The following C6orf163 variants were observed in gnomAD, a reference collection of about 807,000 sequenced individuals.
C6orf163 encodes uncharacterized protein C6orf163.
In C6orf163, 22 loss-of-function variants were observed where a neutral mutation model predicts 28.4. The observed-to-expected ratio is 0.78, with a 90% CI of 0.55 to 1.11. C6orf163 has a LOEUF of 1.11. Ranked by LOEUF, C6orf163 falls within the 50% of genes least tolerant of loss-of-function variation. C6orf163 has a pLI of 0.00. For synonymous variants in C6orf163, 110 were observed against 123.6 expected, an observed-to-expected ratio of 0.89 and a Z score of 0.73; for missense variants, 342 against 389.1, an observed-to-expected ratio of 0.88 and a Z score of 1.02.
chr6:87,349,417 A>C (rs1777377626), intron 2 of C6orf163, among the ~76,000 whole-genome samples: 1 of 152,050 alleles, frequency 6.6e-6, no homozygotes, highest in African/African-American at 2.4e-5. Context: ...TCTCTCCCAA[A>C]TCCTTGATAC....
intron 4 of C6orf163, among the ~76,000 whole-genome samples, chr6:87,361,823 CT>C (rs1163605105): frequency 6.6e-6 from 1 of 152,128 alleles, no homozygotes; most frequent in Non-Finnish European, 1.5e-5. Context: ...GCAGCTATGA[CT>C]TTTTAATATT....
chr6:87,347,359 G>C (rs188341307), intron 1 of C6orf163: 43 of 977,112 alleles, frequency 4.4e-5, no homozygotes, highest in Admixed American at 6.1e-5. Flanking sequence ...GTACAATCAG[G>C]GTTGAGAACA....
In C6orf163 at chr6:87,345,098, C is replaced by G. The variant is rs1324216269; in HGVS notation, c.-2C>G. On this transcript the variant is annotated 5_prime_UTR_variant, in exon 1 of 5. Transcript: ENST00000388923. ...GTAGGAGAAGACATCTGAAATTTAA[C>G]TATGATCAGAAATTCAGATTACAAA... is the stretch of plus-strand genomic sequence containing the variant. 6.6e-7 allele frequency: 1 copy of G among 1,521,388 alleles called. No individual in the cohort carries two copies. Among genetic ancestry groups the G allele is most frequent in the South Asian group, 1.2e-5 (1 of 80,718 alleles). 94.2% of individuals were successfully genotyped at this position (1,521,388 alleles called of 1,614,324 possible). A position where few individuals can be genotyped will look rare whatever the true frequency, so the allele number is the denominator to read the frequency against.
chr6:87,361,886 A>G (rs1221843061), intron 4 of C6orf163, among the ~76,000 whole-genome samples: 2 of 152,046 alleles, frequency 1.3e-5, no homozygotes, highest in Admixed American at 1.3e-4. Context: ...TTTTGTCATT[A>G]GTTCAGACCC....
intron 1 of C6orf163, among the ~76,000 whole-genome samples, chr6:87,345,634 C>G (rs1777310600): frequency 1.3e-5 from 2 of 151,958 alleles, no homozygotes; most frequent in African/African-American, 4.8e-5. Context: ...AAATAACACC[C>G]TAATTGGATG....
At chr6:87,352,110 A>G (rs1777422484) in intron 3 of C6orf163, among the ~76,000 whole-genome samples, 1 of 152,180 alleles carries the variant, frequency 6.6e-6, no homozygotes, top group South Asian at 2.1e-4. Flanking sequence ...CCTTCCTGAA[A>G]TATTTGTCCG....
chr6:87,348,697 T>A (rs1436760819), intron 1 of C6orf163, 115 bp from the exon 2 acceptor site: 1 of 1,445,590 alleles, frequency 6.9e-7, no homozygotes, highest in Non-Finnish European at 9.0e-7. Context: ...TATACTGGCA[T>A]CTCCTAAAAG....
intron 4 of C6orf163, among the ~76,000 whole-genome samples, chr6:87,363,876 A>C (rs967050439): frequency 2.6e-5 from 4 of 152,196 alleles, no homozygotes; most frequent in African/African-American, 9.7e-5. Context: ...TTAGTCTCCT[A>C]TGAATATAAA....
chr6:87,353,325 TTGTA>T (rs897693718), intron 3 of C6orf163, among the ~76,000 whole-genome samples: 3 of 152,162 alleles, frequency 2.0e-5, no homozygotes, highest in Non-Finnish European at 4.4e-5. Context: ...ATTGGATTGT[TTGTA>T]ACACAAAGAA....
chr6:87,345,623 T>C (rs1777310271), intron 1 of C6orf163, among the ~76,000 whole-genome samples: 1 of 152,094 alleles, frequency 6.6e-6, no homozygotes, highest in African/African-American at 2.4e-5. Flanking sequence ...ATATTATCTC[T>C]AAATAACACC....
intron 1 of C6orf163, chr6:87,347,492 C>A (rs1484087074): frequency 2.0e-6 from 2 of 985,386 alleles, no homozygotes; most frequent in East Asian, 1.1e-4. Flanking sequence ...CCTAGAAAAT[C>A]TTTTCTAATT....
chr6:87,364,520 G>A (rs1052868221), intron 4 of C6orf163, among the ~76,000 whole-genome samples: 2 of 152,086 alleles, frequency 1.3e-5, no homozygotes, highest in Non-Finnish European at 2.9e-5. Flanking sequence ...GTATTGCTCA[G>A]ATAAAATCAA....
chr6:87,356,752 A>G (rs1777508707), intron 4 of C6orf163: 1 of 429,420 alleles, frequency 2.3e-6, no homozygotes. Flanking sequence ...GCTGTTTTCT[A>G]AAGCTCTCGT....
intron 1 of C6orf163, 83 bp downstream of exon 1, chr6:87,345,330 C>A: frequency 7.5e-7 from 1 of 1,331,136 alleles, no homozygotes; most frequent in Non-Finnish European, 9.8e-7. Context: ...CTTTTATCAG[C>A]TTTTTTCTCT....
At chr6:87,347,805 G>C in intron 1 of C6orf163, 1 of 985,522 alleles carries the variant, frequency 1.0e-6, no homozygotes, top group Non-Finnish European at 1.2e-6. Context: ...CCGGCAGCTG[G>C]GAAAGGAGGA....
chr6:87,356,415 G>T lies in C6orf163; in HGVS notation c.466G>T (p.Glu156Ter). ...MVHRIQRIMMECHREKVEAVE... is the reference protein window; with the variant it reads ...MVHRIQRIMM ...CCACAGAATCCAAAGGATTATGATG[G>T]AATGCCACAGAGAGAAGGTCGAAGC... Residue 156 changes from glutamate to a stop codon, truncating the protein, a stop_gained, in exon 4 of 5, where the codon GAA becomes TAA. Transcript: ENST00000388923. LOFTEE classifies it high-confidence loss of function. 1 of 1,551,782 alleles carries T rather than the reference G, an allele frequency of 6.4e-7. No homozygotes were observed. Among genetic ancestry groups the T allele is most frequent in the Non-Finnish European group, 8.7e-7 (1 of 1,147,002 alleles).
chr6:87,345,029 T>C lies in C6orf163; in HGVS notation c.-71T>C, dbSNP rs1777301907. 5 of 1,318,638 alleles carry C rather than the reference T, an allele frequency of 3.8e-6. No individual in the cohort carries two copies. The Admixed American group carries it at 1.1e-4, about 28-fold the overall frequency. 81.7% of individuals were successfully genotyped at this position (1,318,638 alleles called of 1,614,324 possible). On this transcript the variant is annotated 5_prime_UTR_variant, in exon 1 of 5. Coordinates refer to ENST00000388923, the MANE Select transcript of C6orf163 (RefSeq NM_001010868.3). ...CCAGCTTTCTTAAACTTTCAGCTTT[T>C]CTTGAAACGACTTTTTCTGATTCTA...
intron 4 of C6orf163, among the ~76,000 whole-genome samples, chr6:87,361,725 T>C (rs563208130): frequency 3.9e-5 from 6 of 152,264 alleles, no homozygotes; most frequent in Non-Finnish European, 7.4e-5. Context: ...GAACCTCCAT[T>C]CTCCTGTGAC....
intron 3 of C6orf163, among the ~76,000 whole-genome samples, chr6:87,355,439 T>C (rs1178043880): frequency 6.6e-6 from 1 of 152,048 alleles, no homozygotes; most frequent in African/African-American, 2.4e-5. Context: ...CAAGTGTCTG[T>C]CGTCTCAGCT....
Sources: gnomAD v4.1 joint callset for allele counts (sites outside exome capture counted in the v4.1 genomes callset) on GRCh38, gnomAD v4.1.1 for gene constraint, MANE v1.5 for transcripts, NCBI Gene and HGNC (gene_info 2026-07-23, HGNC 2026-07-21) for gene names.